SYT4: variants seen among roughly 807,000 people sequenced by gnomAD.
SYT4 encodes synaptotagmin-4.
Under a neutral mutation model 32.9 loss-of-function variants are expected in SYT4, and 7 were observed. The observed-to-expected ratio is 0.21, with a 90% CI of 0.12 to 0.40. SYT4 has a LOEUF of 0.40. Ranked by LOEUF, SYT4 falls within the 10% of genes least tolerant of loss-of-function variation. The pLI is 1.00. For synonymous variants in SYT4, 205 were observed against 186.2 expected, an observed-to-expected ratio of 1.10 and a Z score of -0.82; for missense variants, 480 against 488.0, an observed-to-expected ratio of 0.98 and a Z score of 0.16.
chr18:43,271,981 CTTTT>C, intron 2 of SYT4, 149 bp from the exon 3 acceptor site: 2 of 876,698 alleles, frequency 2.3e-6, no homozygotes, highest in South Asian at 4.5e-5. Context: ...TAACTAAAAG[CTTTT>C]GAGCAGTACC....
In SYT4 at chr18:43,274,063, G is replaced by C. The variant is rs1908716167; in HGVS notation, c.366C>G (p.Thr122=). 6.2e-7 allele frequency: 1 copy of C among 1,614,076 alleles called. No individual in the cohort carries two copies. Among genetic ancestry groups the C allele is most frequent in the African/African-American group, 1.3e-5 (1 of 75,040 alleles). The part of the protein sequence containing the change: ...PGSPSDLENA[T]PKLFLEGEKE... Reference sequence around the variant, plus strand: ...TTTCCCCTTCTAAAAAGAGCTTCGGGGTTGCATTCTCCAGATCAGAAGGAC... The same window carrying C: ...TTTCCCCTTCTAAAAAGAGCTTCGGCGTTGCATTCTCCAGATCAGAAGGAC... The change falls in exon 2 of 4, where the codon ACC becomes ACG. Residue 122 remains threonine (T), a synonymous_variant. Coordinates refer to ENST00000255224, the MANE Select transcript of SYT4 (RefSeq NM_020783.4).
intron 2 of SYT4, among the ~76,000 whole-genome samples, chr18:43,273,049 G>T (rs529269081): frequency 2.1e-4 from 32 of 152,132 alleles, no homozygotes; most frequent in African/African-American, 7.0e-4. Context: ...TACAAAAATA[G>T]CGGGACTCAT....
At chr18:43,277,158 T>C in intron 1 of SYT4, 90 bp downstream of exon 1, 1 of 1,533,502 alleles carries the variant, frequency 6.5e-7, no homozygotes, top group East Asian at 2.3e-5. Flanking sequence ...AAATCTGTAT[T>C]CAACAACCGG....
intron 2 of SYT4, 141 bp downstream of exon 2, chr18:43,273,439 T>G: frequency 1.7e-6 from 1 of 583,084 alleles, no homozygotes; most frequent in South Asian, 2.6e-5. Context: ...TCCCTTGATC[T>G]CCATTAGATT....
In SYT4 at chr18:43,268,408, T is replaced by A. The variant is rs573874481; in HGVS notation, c.*1933A>T. 363 of 21,766 alleles carry A rather than the reference T, an allele frequency of 0.017. 1 individual carries two copies. Among genetic ancestry groups the A allele is most frequent in the Admixed American group, 0.031 (33 of 1,060 alleles). 1.3% of individuals were successfully genotyped at this position (21,766 alleles called of 1,614,324 possible). A position where few individuals can be genotyped will look rare whatever the true frequency, so the allele number is the denominator to read the frequency against. On this transcript the variant is annotated 3_prime_UTR_variant, in exon 4 of 4. Transcript: ENST00000255224. ...GTTTGTTGTTGGTTTCATTGTTCCA[T>A]GTTAAAAAAAAAAAAATCGGCCTCG...
intron 2 of SYT4, among the ~76,000 whole-genome samples, chr18:43,273,049 G>A (rs529269081): frequency 2.0e-5 from 3 of 152,014 alleles, no homozygotes; most frequent in African/African-American, 7.2e-5. Context: ...TACAAAAATA[G>A]CGGGACTCAT....
intron 3 of SYT4, among the ~76,000 whole-genome samples, chr18:43,271,465 A>G (rs1908627408): frequency 6.6e-6 from 1 of 152,148 alleles, no homozygotes; most frequent in African/African-American, 2.4e-5. Flanking sequence ...AGTGAATGGA[A>G]GGGTTAGGAT....
rs537789588 is a variant in SYT4, at chr18:43,269,329, A to G, written c.*1012T>C. ...GTTAAGTAACACTTTTTATCTGGCA[A>G]TGTAAAAAATCTTCACAGTCTTTTC... is the stretch of plus-strand genomic sequence containing the variant. On this transcript the variant is annotated 3_prime_UTR_variant, in exon 4 of 4. Coordinates refer to ENST00000255224, the MANE Select transcript of SYT4 (RefSeq NM_020783.4). 2.0e-5 allele frequency: 3 copies of G among 152,322 alleles called. No individual in the cohort carries two copies. The South Asian group carries it at 6.2e-4, about 32-fold the overall frequency. 9.4% of individuals were successfully genotyped at this position (152,322 alleles called of 1,614,324 possible). A position where few individuals can be genotyped will look rare whatever the true frequency, so the allele number is the denominator to read the frequency against.
intron 3 of SYT4, among the ~76,000 whole-genome samples, chr18:43,270,983 G>A (rs1908613285): frequency 6.6e-6 from 1 of 152,066 alleles, no homozygotes; most frequent in Non-Finnish European, 1.5e-5. Context: ...GAATAGGATA[G>A]AAGGAAAAAA....
chr18:43,275,486 T>C (rs1908764515), intron 1 of SYT4, among the ~76,000 whole-genome samples: 2 of 152,150 alleles, frequency 1.3e-5, no homozygotes, highest in South Asian at 2.1e-4. Context: ...TTTAGTTCCA[T>C]TGCAATATGC....
rs955007793 is a variant in SYT4 at position 43,270,221 on chromosome 18, G to GCAA, written c.*117_*119dup. 3.8e-5 allele frequency: 40 copies of GCAA among 1,042,314 alleles called. No homozygotes were observed. Among genetic ancestry groups the GCAA allele is most frequent in the Admixed American group, 2.5e-4 (11 of 43,504 alleles). The allele number at this position is 1,042,314 out of a possible 1,614,324, so 64.6% of individuals were successfully genotyped here. On this transcript the variant is annotated 3_prime_UTR_variant, in exon 4 of 4. Coordinates refer to ENST00000255224, the MANE Select transcript of SYT4 (RefSeq NM_020783.4). ...GGTCTACTAATTCAATCCATTTCTA[G>GCAA]CAACAACAACAACAACAAAAAGGTA...
rs771311259 is a variant in SYT4 at position 43,269,231 on chromosome 18, A to G, written c.*1110T>C. 1 of 152,182 alleles carries G rather than the reference A, an allele frequency of 6.6e-6. No individual in the cohort carries two copies. Among genetic ancestry groups the G allele is most frequent in the Non-Finnish European group, 1.5e-5 (1 of 68,034 alleles). 9.4% of individuals were successfully genotyped at this position (152,182 alleles called of 1,614,324 possible). ...TGTGCTAATTTGACAGCCTAAGCATATTTTGCGTGAACATATGTAAATTAT... is the reference window on the plus strand; with the variant it reads ...TGTGCTAATTTGACAGCCTAAGCATGTTTTGCGTGAACATATGTAAATTAT... On this transcript the variant is annotated 3_prime_UTR_variant, in exon 4 of 4. Coordinates refer to ENST00000255224, the MANE Select transcript of SYT4 (RefSeq NM_020783.4).
intron 3 of SYT4, among the ~76,000 whole-genome samples, chr18:43,270,978 G>A (rs1007976498): frequency 2.0e-5 from 3 of 152,062 alleles, no homozygotes; most frequent in African/African-American, 7.2e-5. Flanking sequence ...CCAGAGAATA[G>A]GATAGAAGGA....
intron 1 of SYT4, among the ~76,000 whole-genome samples, chr18:43,275,884 G>A (rs1267583746): frequency 6.8e-6 from 1 of 146,122 alleles, no homozygotes; most frequent in Non-Finnish European, 1.5e-5. Flanking sequence ...TTCTATTCAA[G>A]TCTTTGTGAA....
At chr18:43,276,520 A>C (rs760016286) in intron 1 of SYT4, among the ~76,000 whole-genome samples, 2 of 152,184 alleles carry the variant, frequency 1.3e-5, no homozygotes, top group African/African-American at 2.4e-5. Context: ...TGAAACCAAA[A>C]ACTTGGTGTG....
rs568789626 is a variant in SYT4, at chr18:43,274,267, C to A, written c.162G>T (p.Val54=). Residue 54 remains valine, a synonymous_variant, in exon 2 of 4, where the codon GTG becomes GTT. Coordinates refer to ENST00000255224, the MANE Select transcript of SYT4 (RefSeq NM_020783.4). ...AAATATCAACTCCCTTAAGCACATG[C>A]ACAAACTTGTATGGAGGAGTCTTGT... ...KSNKTPPYKF[V]HVLKGVDIYP... 6.2e-7 allele frequency: 1 copy of A among 1,613,930 alleles called. No homozygotes were observed. The highest frequency in any genetic ancestry group is 1.1e-5 in the South Asian group (1 of 91,076).
At position 43,273,873 on chromosome 18, in the gene SYT4, G is replaced by C; in HGVS notation, c.556C>G (p.Gln186Glu). 6.2e-7 allele frequency: 1 copy of C among 1,614,054 alleles called. No homozygotes were observed. The highest frequency in any genetic ancestry group is 1.3e-5 in the African/African-American group (1 of 75,046). The change falls in exon 2 of 4, where the codon CAG becomes GAG. Residue 186 changes from glutamine to glutamate, a missense_variant. Coordinates refer to ENST00000255224, the MANE Select transcript of SYT4 (RefSeq NM_020783.4). ...EARGLPAMDE[Q>E]SMTSDPYIKM... ...ATATATGGGTCAGAGGTCATCGACTGCTCATCCATGGCTGGCAAGCCACGG... is the reference window on the plus strand; with the variant it reads ...ATATATGGGTCAGAGGTCATCGACTCCTCATCCATGGCTGGCAAGCCACGG...
chr18:43,269,617 T>A lies in SYT4; in HGVS notation c.*724A>T, dbSNP rs1395413671. 6.5e-6 allele frequency: 1 copy of A among 152,692 alleles called. No homozygotes were observed. The highest frequency in any genetic ancestry group is 2.4e-5 in the African/African-American group (1 of 41,454). The allele number at this position is 152,692 out of a possible 1,614,324, so 9.5% of individuals were successfully genotyped here. ...ACAGGCAGTGAATAATCCAAGGCCATGGTTCTTATGTGAGGTTATATTTTA... is the reference window on the plus strand; with the variant it reads ...ACAGGCAGTGAATAATCCAAGGCCAAGGTTCTTATGTGAGGTTATATTTTA... On this transcript the variant is annotated 3_prime_UTR_variant, in exon 4 of 4. Transcript: ENST00000255224.
chr18:43,276,621 T>A (rs753055217), intron 1 of SYT4, among the ~76,000 whole-genome samples: 5 of 152,170 alleles, frequency 3.3e-5, no homozygotes, highest in Non-Finnish European at 4.4e-5. Context: ...ACTTCCCTCA[T>A]CTCTCTGGGC....
Sources: gnomAD v4.1 joint callset for allele counts (sites outside exome capture counted in the v4.1 genomes callset) on GRCh38, gnomAD v4.1.1 for gene constraint, MANE v1.5 for transcripts, NCBI Gene and HGNC (gene_info 2026-07-23, HGNC 2026-07-21) for gene names.